The following PLS3 variants were observed in gnomAD, a reference collection of about 807,000 sequenced individuals.
PLS3 encodes plastin-3.
Under a neutral mutation model 46.5 loss-of-function variants are expected in PLS3, and 11 were observed. That is an observed-to-expected ratio of 0.24 (90% CI 0.15 to 0.39). The LOEUF (loss-of-function observed/expected upper bound fraction) is 0.39, where lower values mean the gene tolerates loss of function less well. Ranked by LOEUF, PLS3 falls within the 10% of genes least tolerant of loss-of-function variation. The pLI is 1.00. For missense variants in PLS3, 308 were observed against 461.8 expected, an observed-to-expected ratio of 0.67 and a Z score of 3.05; for synonymous variants, 167 against 162.2, an observed-to-expected ratio of 1.03 and a Z score of -0.22.
chrX:115,562,593 A>G (rs2074146389), intron 1 of PLS3: 1 of 111,144 alleles, frequency 9.0e-6, no homozygotes, highest in African/African-American at 3.3e-5. Context: ...AAATGTAGGG[A>G]AAAGTAAAAA....
intron 1 of PLS3, among the ~76,000 whole-genome samples, chrX:115,600,882 T>A (rs1033964542): frequency 7.3e-5 from 8 of 109,861 alleles, no homozygotes; most frequent in African/African-American, 2.3e-4. Context: ...AGAATTTGGA[T>A]AGAGAGAGAG....
At chrX:115,600,510 GAAAC>G (rs1410472661) in intron 1 of PLS3, among the ~76,000 whole-genome samples, 1 of 111,912 alleles carries the variant, frequency 8.9e-6, no homozygotes, top group Non-Finnish European at 1.9e-5. Context: ...CTGTTCTCCA[GAAAC>G]AAACAATCAT....
intron 2 of PLS3, chrX:115,614,452 C>A (rs1396744026): frequency 2.4e-5 from 18 of 750,760 alleles, no homozygotes; most frequent in Non-Finnish European, 2.8e-5. Context: ...ACAGTGAATT[C>A]TAAAGCAGCA....
chrX:115,583,873 T>G (rs58598760), intron 1 of PLS3, among the ~76,000 whole-genome samples: 7,631 of 110,977 alleles, frequency 0.069, 307 homozygotes, highest in African/African-American at 0.15. Context: ...TCTTTTTTTT[T>G]GGGGGAGGGT....
At chrX:115,638,638 T>C (rs1556640592) in intron 8 of PLS3, among the ~76,000 whole-genome samples, 1 of 112,655 alleles carries the variant, frequency 8.9e-6, no homozygotes. Flanking sequence ...ATATTTTAAA[T>C]GTAAAGAGAA....
At chrX:115,646,651 T>C (rs2074954892) in intron 13 of PLS3, 116 bp downstream of exon 13, 1 of 632,257 alleles carries the variant, frequency 1.6e-6, no homozygotes, top group East Asian at 3.6e-5. Flanking sequence ...ATATGTTATA[T>C]TTACACTCCG....
intron 2 of PLS3, among the ~76,000 whole-genome samples, chrX:115,616,470 T>A (rs190404712): frequency 8.9e-6 from 1 of 111,998 alleles, no homozygotes; most frequent in Non-Finnish European, 1.9e-5. Context: ...ATGTAGAAAA[T>A]TAGATTGAAT....
At chrX:115,597,852 T>C (rs781795874) in intron 1 of PLS3, among the ~76,000 whole-genome samples, 66 of 111,724 alleles carry the variant, frequency 5.9e-4, no homozygotes, top group Non-Finnish European at 1.0e-3. Flanking sequence ...TTGAGGTACC[T>C]AATGATGTCC....
chrX:115,640,360 T>G, intron 8 of PLS3, 48 bp from the exon 9 acceptor site: 1 of 848,943 alleles, frequency 1.2e-6, no homozygotes, highest in Non-Finnish European at 1.8e-6. Flanking sequence ...ATAGGATACA[T>G]TCATTCCTTG....
At chrX:115,589,182 C>T (rs1405482045) in intron 1 of PLS3, among the ~76,000 whole-genome samples, 3 of 110,430 alleles carry the variant, frequency 2.7e-5, no homozygotes, top group Non-Finnish European at 5.7e-5. Context: ...ATGTTGCCCA[C>T]GCTGCTCTCG....
intron 1 of PLS3, among the ~76,000 whole-genome samples, chrX:115,595,966 A>C (rs2074385090): frequency 9.0e-6 from 1 of 111,619 alleles, no homozygotes; most frequent in Non-Finnish European, 1.9e-5. Context: ...CAGGCCTGTC[A>C]AAACATGATG....
chrX:115,608,772 T>C (rs1436651648), intron 1 of PLS3, among the ~76,000 whole-genome samples: 3 of 111,845 alleles, frequency 2.7e-5, no homozygotes, highest in African/African-American at 9.8e-5. Flanking sequence ...TAGTAAGCTA[T>C]ACCATCTAGG....
intron 1 of PLS3, among the ~76,000 whole-genome samples, chrX:115,598,271 C>T (rs373806979): frequency 3.0e-5 from 3 of 101,229 alleles, no homozygotes; most frequent in South Asian, 4.7e-4. Flanking sequence ...CCAGCCTGGG[C>T]GACACAGCGA....
chrX:115,609,072 A>G (rs1556635753), intron 1 of PLS3, among the ~76,000 whole-genome samples: 1 of 110,838 alleles, frequency 9.0e-6, no homozygotes, highest in African/African-American at 3.3e-5. Flanking sequence ...CTGTCTTTAC[A>G]AAAAAAGAGA....
intron 1 of PLS3, among the ~76,000 whole-genome samples, chrX:115,581,000 T>C (rs1207032675): frequency 9.0e-6 from 1 of 111,397 alleles, no homozygotes; most frequent in Admixed American, 9.6e-5. Flanking sequence ...CCTCCCAAAG[T>C]CCTGGTATTA....
At position 115,629,201 on chromosome X, in the gene PLS3, T is replaced by C; in HGVS notation, c.241T>C (p.Phe81Leu). Residue 81 changes from phenylalanine to leucine, a missense_variant, in exon 4 of 16, where the codon TTT (phenylalanine) becomes CTT (leucine). Around this residue, in one of 2 missense-constraint regions of PLS3, gnomAD observed 271 missense variants for 435.7 expected, o/e 0.62. Transcript: ENST00000355899. ...ACAAAATTACTTTAATTAATAGATTTTTCAAGAGGTAAAAAGTAGTGATAT... is the reference window on the plus strand; with the variant it reads ...ACAAAATTACTTTAATTAATAGATTCTTCAAGAGGTAAAAAGTAGTGATAT... ...KISFDEFVYI[F>L]QEVKSSDIAK... 8.6e-7 allele frequency: 1 copy of C among 1,162,325 alleles called. No homozygotes were observed. The highest frequency in any genetic ancestry group is 1.2e-6 in the Non-Finnish European group (1 of 855,210).
chrX:115,638,926 G>A (rs182554607), intron 8 of PLS3, among the ~76,000 whole-genome samples: 1,865 of 109,505 alleles, frequency 0.017, 12 homozygotes, highest in African/African-American at 0.025. Flanking sequence ...GTGTTAGCCA[G>A]GATGGTCTCG....
chrX:115,650,581 A>G lies in PLS3; in HGVS notation c.*1020A>G, dbSNP rs782264338. 8.9e-5 allele frequency: 10 copies of G among 112,489 alleles called. No homozygotes were observed. Among genetic ancestry groups the G allele is most frequent in the Non-Finnish European group, 1.9e-4 (10 of 53,271 alleles). 9.3% of individuals were successfully genotyped at this position (112,489 alleles called of 1,213,427 possible). ...CTCTTGCTTTGTCAAGCTGTTTGCT[A>G]TAGTTTCCAAGGTATTATGTTACTC... On this transcript the variant is annotated 3_prime_UTR_variant, in exon 16 of 16. Transcript: ENST00000355899.
rs185073796 is a variant in PLS3, at chrX:115,576,290, C to T, written c.-9+15030C>T. On this transcript the variant is annotated intron_variant, in intron 1 of 15. Transcript: ENST00000355899. Reference sequence around the variant, plus strand: ...AAGATGATTAAAAGAATCACCAGGCCGGAAATGACGGCTCATGCCTGTAAT... The same window carrying T: ...AAGATGATTAAAAGAATCACCAGGCTGGAAATGACGGCTCATGCCTGTAAT... Among the ~76,000 whole-genome samples, 5 of 111,880 alleles carry T rather than the reference C, an allele frequency of 4.5e-5. No homozygotes were observed. The East Asian group carries it at 1.1e-3, about 25-fold the overall frequency.
Sources: gnomAD v4.1 joint callset for allele counts (sites outside exome capture counted in the v4.1 genomes callset) on GRCh38, gnomAD v4.1.1 for gene constraint, gnomAD v4.1.1 regional missense constraint, MANE v1.5 for transcripts, NCBI Gene and HGNC (gene_info 2026-07-23, HGNC 2026-07-21) for gene names.